Variants in DOCK4 observed in about 807,000 individuals in gnomAD.
DOCK4 encodes dedicator of cytokinesis protein 4.
DOCK4 carries 97 observed loss-of-function variants against 268.1 expected under a neutral mutation model. The ratio of observed to expected loss-of-function variants is 0.36; its 90% CI spans 0.31 to 0.43. DOCK4 has a LOEUF of 0.43. Ranked by LOEUF, DOCK4 falls within the 20% of genes least tolerant of loss-of-function variation. The probability of loss-of-function intolerance (pLI) is 1.00; values close to 1 mark genes in which losing one functional copy is unlikely to be tolerated. For synonymous variants in DOCK4, 954 were observed against 887.2 expected, an observed-to-expected ratio of 1.08 and a Z score of -1.34; for missense variants, 2,145 against 2,455.7, an observed-to-expected ratio of 0.87 and a Z score of 2.67.
intron 13 of DOCK4, among the ~76,000 whole-genome samples, chr7:111,907,092 C>A (rs531199316): frequency 6.6e-6 from 1 of 152,260 alleles, no homozygotes; most frequent in East Asian, 1.9e-4. Flanking sequence ...GAGACTGAAA[C>A]AGAGCACAGA....
intron 12 of DOCK4, 136 bp from the exon 13 acceptor site, chr7:111,916,040 A>G: frequency 2.3e-6 from 2 of 871,278 alleles, no homozygotes; most frequent in Non-Finnish European, 3.5e-6. Flanking sequence ...AAATCGACAG[A>G]ATCTATATGA....
chr7:111,812,342 T>G (rs1435351056), intron 27 of DOCK4, among the ~76,000 whole-genome samples: 1 of 152,224 alleles, frequency 6.6e-6, no homozygotes, highest in African/African-American at 2.4e-5. Context: ...TGCAGTGGCA[T>G]GATCATAGCT....
intron 12 of DOCK4, among the ~76,000 whole-genome samples, chr7:111,924,929 G>A (rs1475732470): frequency 6.6e-6 from 1 of 152,106 alleles, no homozygotes; most frequent in East Asian, 1.9e-4. Flanking sequence ...GTATGTTTGG[G>A]AGGTGGGGGC....
intron 1 of DOCK4, among the ~76,000 whole-genome samples, chr7:112,025,648 A>T (rs9649349): frequency 6.6e-6 from 1 of 151,932 alleles, no homozygotes; most frequent in Non-Finnish European, 1.5e-5. Flanking sequence ...ATGGATCCTC[A>T]AGACCAATGA....
At chr7:111,973,678 T>A (rs1208397140) in intron 8 of DOCK4, among the ~76,000 whole-genome samples, 1 of 72,888 alleles carries the variant, frequency 1.4e-5, no homozygotes, top group Non-Finnish European at 2.3e-5. Context: ...TAGAGTTCCT[T>A]TTTTTTTTTT....
In DOCK4 at chr7:111,728,221, T is replaced by G. The variant is rs2133340137; in HGVS notation, c.*53A>C. 1.5e-6 allele frequency: 2 copies of G among 1,364,250 alleles called. No individual in the cohort carries two copies. Among genetic ancestry groups the G allele is most frequent in the Non-Finnish European group, 1.9e-6 (2 of 1,039,064 alleles). 84.5% of individuals were successfully genotyped at this position (1,364,250 alleles called of 1,614,324 possible). On this transcript the variant is annotated 3_prime_UTR_variant, in exon 53 of 53. Coordinates refer to ENST00000428084, the MANE Select transcript of DOCK4 (RefSeq NM_001363540.2). ...TACACTAAATGTCTTCTCATCATAC[T>G]TCTTATTTTGTAAACGGGCAAAGAA...
At chr7:111,924,695 G>A in intron 12 of DOCK4, among the ~76,000 whole-genome samples, 1 of 152,130 alleles carries the variant, frequency 6.6e-6, no homozygotes, top group East Asian at 1.9e-4. Flanking sequence ...AAGGTGGGAG[G>A]ATTGCTTAAG....
intron 8 of DOCK4, among the ~76,000 whole-genome samples, chr7:111,951,507 C>T (rs1796042466): frequency 6.6e-6 from 1 of 151,906 alleles, no homozygotes. Context: ...GAACAGGGCA[C>T]CTCAGAGCAC....
chr7:111,879,302 C>T (rs897256988), intron 16 of DOCK4, among the ~76,000 whole-genome samples: 1 of 152,022 alleles, frequency 6.6e-6, no homozygotes, highest in Non-Finnish European at 1.5e-5. Context: ...ACCCCTTGGG[C>T]CCTAAATAAC....
rs563074226 is a variant in DOCK4, at chr7:111,840,008, A to G, written c.2736+4755T>C. Among the ~76,000 whole-genome samples, 291 of 152,300 alleles carry G rather than the reference A, an allele frequency of 1.9e-3. 2 individuals are homozygous for G. The highest frequency in any genetic ancestry group is 6.8e-3 in the African/African-American group (281 of 41,564). Reference sequence around the variant, plus strand: ...ATCCTAGACTCATAATTTATTAAAAAGAAATAAAAAGCCATCAGTGGCCAA... The same window carrying G: ...ATCCTAGACTCATAATTTATTAAAAGGAAATAAAAAGCCATCAGTGGCCAA... On this transcript the variant is annotated intron_variant, in intron 25 of 52. Transcript: ENST00000428084.
chr7:111,953,599 G>A (rs962504185), intron 8 of DOCK4: 2 of 152,248 alleles, frequency 1.3e-5, no homozygotes, highest in African/African-American at 4.8e-5. Context: ...AGTAGGTGCT[G>A]TAAAGCTCTC....
chr7:111,896,263 C>T (rs1229702343), intron 15 of DOCK4, among the ~76,000 whole-genome samples: 3 of 152,134 alleles, frequency 2.0e-5, no homozygotes, highest in African/African-American at 4.8e-5. Context: ...AAGTTAGGCA[C>T]GTTGAAAGAC....
intron 1 of DOCK4, among the ~76,000 whole-genome samples, chr7:112,066,670 CATATACATATATACATATACATAT>C (rs200988269): frequency 0.14 from 7,129 of 51,434 alleles, 777 homozygotes; most frequent in East Asian, 0.37. Context: ...TATACATATA[CATATACATATATACATATACATAT>C]ATATATATAT....
At chr7:111,979,012 AT>A (rs1156632371) in intron 7 of DOCK4, among the ~76,000 whole-genome samples, 1 of 152,186 alleles carries the variant, frequency 6.6e-6, no homozygotes, top group Non-Finnish European at 1.5e-5. Context: ...TAGTTCAGGG[AT>A]TTCAATTTCA....
intron 1 of DOCK4, among the ~76,000 whole-genome samples, chr7:112,040,198 C>G (rs1347423678): frequency 6.6e-6 from 1 of 152,128 alleles, no homozygotes; most frequent in Non-Finnish European, 1.5e-5. Flanking sequence ...GTAGAGATTA[C>G]ATTTCTAGTT....
chr7:112,049,405 G>A (rs377189713), intron 1 of DOCK4, among the ~76,000 whole-genome samples: 8 of 152,020 alleles, frequency 5.3e-5, no homozygotes, highest in East Asian at 1.9e-4. Flanking sequence ...GTTGATAAGC[G>A]AAGAGAGGAA....
intron 1 of DOCK4, among the ~76,000 whole-genome samples, chr7:112,176,222 T>C (rs892398508): frequency 2.0e-5 from 3 of 152,158 alleles, no homozygotes; most frequent in East Asian, 1.9e-4. Flanking sequence ...AGAAGATCTA[T>C]TGGGAAAGGA....
chr7:111,834,067 C>T (rs183789218), intron 26 of DOCK4, among the ~76,000 whole-genome samples: 2 of 152,294 alleles, frequency 1.3e-5, no homozygotes, highest in Admixed American at 6.5e-5. Context: ...TTTTATAAAC[C>T]TGGCATCCTT....
rs370695098 is a variant in DOCK4, at chr7:112,059,843, A to G, written c.38-55712T>C. Reference sequence around the variant, plus strand: ...CTTTTCAGATAGCATATCTAATTGTACAAATACCATCACTCAAAATTACTG... The same window carrying G: ...CTTTTCAGATAGCATATCTAATTGTGCAAATACCATCACTCAAAATTACTG... On this transcript the variant is annotated intron_variant, in intron 1 of 52. Coordinates refer to ENST00000428084, the MANE Select transcript of DOCK4 (RefSeq NM_001363540.2). 2.6e-5 allele frequency among the ~76,000 whole-genome samples: 4 copies of G among 152,352 alleles called. No homozygotes were observed. In the East Asian group the frequency reaches 5.8e-4, roughly 22 times the overall value.
Sources: allele counts gnomAD v4.1 joint callset (sites outside exome capture counted in the v4.1 genomes callset), GRCh38; gene constraint gnomAD v4.1.1; transcripts MANE v1.5; gene names NCBI Gene and HGNC (gene_info 2026-07-23, HGNC 2026-07-21).